The following AJM1 variants were observed in gnomAD, a reference collection of about 807,000 sequenced individuals.
AJM1 encodes the protein uncharacterized protein C9orf172.
In AJM1, 22 loss-of-function variants were observed where a neutral mutation model predicts 43.0. The observed-to-expected ratio is 0.51, with a 90% CI of 0.37 to 0.73. The LOEUF (loss-of-function observed/expected upper bound fraction) is 0.73, where lower values mean the gene tolerates loss of function less well. Among genes scored for constraint, AJM1 ranks in the 30% least tolerant of loss-of-function variants. AJM1 has a pLI of 0.00. For missense variants in AJM1, 1,305 were observed against 1,343.3 expected (o/e 0.97, Z 0.45); for synonymous variants, 719 against 638.3 (o/e 1.13, Z -1.91).
chr9:136,848,627 G>C lies in AJM1; in HGVS notation c.*1282G>C, dbSNP rs996582349. ...CCCGGCACGCCCATCTCGTCCCCGC[G>C]CGTCTGCACCGGCCAGGCGTCCCGC... On this transcript the variant is annotated 3_prime_UTR_variant, in exon 3 of 3. Transcript: ENST00000436881. 6.5e-6 allele frequency: 1 copy of C among 152,780 alleles called. No individual in the cohort carries two copies. The highest frequency in any genetic ancestry group is 2.4e-5 in the African/African-American group (1 of 41,456). 9.5% of individuals were successfully genotyped at this position (152,780 alleles called of 1,614,324 possible). A position where few individuals can be genotyped will look rare whatever the true frequency, so the allele number is the denominator to read the frequency against.
Sources: allele counts gnomAD v4.1 joint callset, GRCh38; gene constraint gnomAD v4.1.1; transcripts MANE v1.5; gene names NCBI Gene and HGNC (gene_info 2026-07-23, HGNC 2026-07-21).